The following CIT variants were observed in gnomAD, a reference collection of about 807,000 sequenced individuals.
CIT encodes citron rho-interacting serine/threonine kinase.
A neutral mutation model predicts 272.7 loss-of-function variants in CIT; 79 were observed. The observed-to-expected ratio is 0.29, with a 90% CI of 0.24 to 0.35. The LOEUF (loss-of-function observed/expected upper bound fraction) is 0.35. CIT is among the 10% of genes least tolerant of loss of function. The pLI, the probability that CIT is intolerant of heterozygous loss-of-function variation, is 1.00. For missense variants in CIT, 1,909 were observed against 2,618.3 expected, an observed-to-expected ratio of 0.73 and a Z score of 5.91; for synonymous variants, 948 against 995.6, an observed-to-expected ratio of 0.95 and a Z score of 0.90.
chr12:119,802,618 T>C (rs1271667485), intron 10 of CIT, among the ~76,000 whole-genome samples: 1 of 152,098 alleles, frequency 6.6e-6, no homozygotes, highest in Admixed American at 6.5e-5. Context: ...CTGCCAGCGC[T>C]CCACCAGCTC....
intron 47 of CIT, among the ~76,000 whole-genome samples, chr12:119,689,451 A>G (rs1955793951): frequency 6.6e-6 from 1 of 152,112 alleles, no homozygotes; most frequent in African/African-American, 2.4e-5. Context: ...TGTTTGAAAA[A>G]AGCATGCAAC....
intron 10 of CIT, among the ~76,000 whole-genome samples, chr12:119,802,286 CAG>C (rs1384520667): frequency 6.6e-6 from 1 of 152,146 alleles, no homozygotes; most frequent in Non-Finnish European, 1.5e-5. Context: ...CCTCTGAAAA[CAG>C]AATGTCATTG....
At chr12:119,817,280 G>C (rs1444075977) in intron 9 of CIT, among the ~76,000 whole-genome samples, 1 of 152,096 alleles carries the variant, frequency 6.6e-6, no homozygotes, top group Admixed American at 6.5e-5. Context: ...GGGAGGCTGA[G>C]GCAGGTGGAT....
intron 23 of CIT, among the ~76,000 whole-genome samples, chr12:119,750,675 C>T (rs1444061433): frequency 6.6e-6 from 1 of 151,728 alleles, no homozygotes; most frequent in African/African-American, 2.4e-5. Flanking sequence ...CAGTTTGGTT[C>T]AGATACTGGG....
chr12:119,798,071 G>A (rs900306199), intron 10 of CIT, among the ~76,000 whole-genome samples: 4 of 152,258 alleles, frequency 2.6e-5, no homozygotes, highest in Non-Finnish European at 5.9e-5. Flanking sequence ...GTATATACGC[G>A]TGGGTTTATG....
chr12:119,710,949 T>G lies in CIT; in HGVS notation c.4855-329A>C. ...CTAAGGAGATTTCACCTGCGCAGGGTTAATAAGACACATGAAAGACTCCTT... is the reference window on the plus strand; with the variant it reads ...CTAAGGAGATTTCACCTGCGCAGGGGTAATAAGACACATGAAAGACTCCTT... On this transcript the variant is annotated intron_variant, in intron 37 of 47. Coordinates refer to ENST00000392521, the MANE Select transcript of CIT (RefSeq NM_001206999.2). This position sits in a 1 kb window ranked among gnomAD's most constrained non-coding sequence, Gnocchi z 5.6. 2 of 1,001,422 alleles carry G rather than the reference T, an allele frequency of 2.0e-6. No individual in the cohort carries two copies. Among genetic ancestry groups the G allele is most frequent in the Non-Finnish European group, 2.9e-6 (2 of 694,294 alleles). The allele number at this position is 1,001,422 out of a possible 1,614,324, so 62.0% of individuals were successfully genotyped here. A position where few individuals can be genotyped will look rare whatever the true frequency, so the allele number is the denominator to read the frequency against.
rs1239385474 is a variant in CIT at position 119,718,666 on chromosome 12, T to C, written c.4003+33A>G. Reference sequence around the variant, plus strand: ...AGATCAATCCTCTGCCTTTTCCACATCCTTGAGCATTTTGGAGAGAGTGAG... The same window carrying C: ...AGATCAATCCTCTGCCTTTTCCACACCCTTGAGCATTTTGGAGAGAGTGAG... On this transcript the variant is annotated intron_variant, in intron 31 of 47. Coordinates refer to ENST00000392521, the MANE Select transcript of CIT (RefSeq NM_001206999.2). This position sits in a 1 kb window ranked among gnomAD's most constrained non-coding sequence, Gnocchi z 4.8. 6.2e-7 allele frequency: 1 copy of C among 1,611,650 alleles called. No individual in the cohort carries two copies. Among genetic ancestry groups the C allele is most frequent in the African/African-American group, 1.3e-5 (1 of 74,844 alleles).
chr12:119,860,672 G>A (rs925718214), intron 3 of CIT, among the ~76,000 whole-genome samples: 1 of 152,098 alleles, frequency 6.6e-6, no homozygotes, highest in African/African-American at 2.4e-5. Flanking sequence ...AACTGCACAA[G>A]GAGACAGACC....
intron 3 of CIT, among the ~76,000 whole-genome samples, chr12:119,860,178 C>T (rs1950294994): frequency 6.6e-6 from 1 of 152,098 alleles, no homozygotes; most frequent in South Asian, 2.1e-4. Flanking sequence ...GTTGAAATCT[C>T]CTGTGTCAGA....
At chr12:119,731,354 T>C (rs1472429818) in intron 26 of CIT, among the ~76,000 whole-genome samples, 1 of 149,272 alleles carries the variant, frequency 6.7e-6, no homozygotes, top group Non-Finnish European at 1.5e-5. Context: ...CGCATGCCTG[T>C]AATCCTAGCT....
Position 119,730,611 on chromosome 12 carries a change from T to C in CIT, c.3370A>G (p.Ile1124Val). The C allele has an allele frequency of 6.2e-7, 1 of 1,613,988 alleles. No homozygotes were observed. The highest frequency in any genetic ancestry group is 8.5e-7 in the Non-Finnish European group (1 of 1,179,930). Residue 1124 changes from isoleucine (I) to valine (V), a missense_variant, in exon 27 of 48, where the codon ATC (isoleucine) becomes GTC (valine). By Grantham distance (29) the Ile-to-Val change is conservative. This residue lies in a region of CIT where 530 missense variants were observed against 822.4 expected (regional missense o/e 0.64). Transcript: ENST00000392521. ...TCCACCACCTGGCGAGACTCGGTGA[T>C]CCGCTGATCGGCTCTCGCCCTGCCA... ...KQSRARADQR[I>V]TESRQVVELA...
chr12:119,713,283 C>T lies in CIT; in HGVS notation c.4499G>A (p.Arg1500Gln). 3 of 1,613,936 alleles carry T rather than the reference C, an allele frequency of 1.9e-6. No individual in the cohort carries two copies. Among genetic ancestry groups the T allele is most frequent in the Non-Finnish European group, 2.5e-6 (3 of 1,179,858 alleles). The change falls in exon 35 of 48, where the codon CGA becomes CAA. Residue 1500 changes from arginine (R) to glutamine (Q), a missense_variant. Physicochemically the swap from Arg to Gln is conservative, Grantham distance 43. This residue lies in a region of CIT where 780 missense variants were observed against 1,067.2 expected (regional missense o/e 0.73). Coordinates refer to ENST00000392521, the MANE Select transcript of CIT (RefSeq NM_001206999.2). The surrounding 1 kb of genome is among the most constrained non-coding windows in gnomAD (Gnocchi z 5.2). ...GWMKVPRNNK[R>Q]GQQGWDRKYI... ...CTTCCTGTCCCAGCCTTGCTGTCCTCGTTTGTTATTCCTGGGGAAAGAAAG... is the reference window on the plus strand; with the variant it reads ...CTTCCTGTCCCAGCCTTGCTGTCCTTGTTTGTTATTCCTGGGGAAAGAAAG...
At chr12:119,837,913 A>G (rs1304524497) in intron 5 of CIT, among the ~76,000 whole-genome samples, 1 of 152,192 alleles carries the variant, frequency 6.6e-6, no homozygotes, top group African/African-American at 2.4e-5. Context: ...AATAAAAATT[A>G]AAAATTTAAA....
chr12:119,780,606 G>C lies in CIT; in HGVS notation c.1665+1912C>G, dbSNP rs527661883. ...CACTCCAGCCTGGGTGACAGAGCGAGACTCCATCTCAAAAAAATAAAGAGC... is the reference window on the plus strand; with the variant it reads ...CACTCCAGCCTGGGTGACAGAGCGACACTCCATCTCAAAAAAATAAAGAGC... On this transcript the variant is annotated intron_variant, in intron 13 of 47. Coordinates refer to ENST00000392521, the MANE Select transcript of CIT (RefSeq NM_001206999.2). Among the ~76,000 whole-genome samples the C allele has an allele frequency of 1.1e-4, 16 of 152,170 alleles. 1 individual carries two copies. The South Asian group carries it at 3.3e-3, about 32-fold the overall frequency.
intron 41 of CIT, 36 bp from the exon 42 acceptor site, chr12:119,701,994 G>A (rs772605323): frequency 2.0e-6 from 3 of 1,514,286 alleles, no homozygotes; most frequent in Admixed American, 1.7e-5. Flanking sequence ...GATGTGAGAG[G>A]TAACACAGGG....
At chr12:119,754,219 G>A (rs1593605393) in intron 22 of CIT, among the ~76,000 whole-genome samples, 1 of 152,182 alleles carries the variant, frequency 6.6e-6, no homozygotes, top group East Asian at 1.9e-4. Context: ...TTAGGTAACT[G>A]AGCAAATGTC....
chr12:119,755,917 T>G (rs1960920309), intron 22 of CIT, among the ~76,000 whole-genome samples: 1 of 152,218 alleles, frequency 6.6e-6, no homozygotes, highest in Non-Finnish European at 1.5e-5. Flanking sequence ...GAGACAGACC[T>G]CTGCCACCAG....
intron 46 of CIT, among the ~76,000 whole-genome samples, chr12:119,695,337 G>A (rs1244319862): frequency 1.3e-5 from 2 of 152,108 alleles, no homozygotes; most frequent in Admixed American, 1.3e-4. Context: ...CCAGAAAACT[G>A]TTGCTATCTG....
rs190324755 is a variant in CIT, at chr12:119,824,506, G to A, written c.957+659C>T. ...ACTCATTGGCAACAGTTTTTCTTCC[G>A]TAGCAGTACATAAAATAATGGTGTA... is the stretch of plus-strand genomic sequence containing the variant. On this transcript the variant is annotated intron_variant, in intron 8 of 47. Coordinates refer to ENST00000392521, the MANE Select transcript of CIT (RefSeq NM_001206999.2). 1.0e-3 allele frequency among the ~76,000 whole-genome samples: 158 copies of A among 152,182 alleles called. 1 individual carries two copies. Among genetic ancestry groups the A allele is most frequent in the African/African-American group, 3.3e-3 (138 of 41,520 alleles).
Sources: allele counts gnomAD v4.1 joint callset (sites outside exome capture counted in the v4.1 genomes callset), GRCh38; gene constraint gnomAD v4.1.1; regional missense constraint gnomAD v4.1.1; non-coding constraint Gnocchi (gnomAD v3.1); transcripts MANE v1.5; gene names NCBI Gene and HGNC (gene_info 2026-07-23, HGNC 2026-07-21).